AKAP7: variants seen among roughly 807,000 people sequenced by gnomAD.
AKAP7 encodes A kinase (PRKA) anchor protein 7.
A neutral mutation model predicts 39.5 loss-of-function variants in AKAP7; 39 were observed. The observed-to-expected ratio is 0.99, with a 90% CI of 0.76 to 1.29. The LOEUF (loss-of-function observed/expected upper bound fraction) is 1.29. Ranked by LOEUF, AKAP7 falls within the 50% of genes most tolerant of loss-of-function variation. The pLI is 0.00. For missense variants in AKAP7, 414 were observed against 407.7 expected (o/e 1.02, Z -0.13); for synonymous variants, 140 against 139.1 (o/e 1.01, Z -0.05).
chr6:131,281,466 C>G lies in AKAP7; in HGVS notation c.851-64C>G, dbSNP rs1815183623. The G allele has an allele frequency of 2.2e-6, 3 of 1,379,402 alleles. No individual in the cohort carries two copies. The Admixed American group carries it at 7.2e-5, about 33-fold the overall frequency. 85.4% of individuals were successfully genotyped at this position (1,379,402 alleles called of 1,614,324 possible). On this transcript the variant is annotated intron_variant, in intron 7 of 7. Transcript: ENST00000431975. This position sits in a 1 kb window ranked among gnomAD's most constrained non-coding sequence, Gnocchi z 4.0. ...TTTAACCAATGGAACTAGCCGGCCC[C>G]TGCATGCCAAGTTTCTATGGCAATG...
intron 7 of AKAP7, among the ~76,000 whole-genome samples, chr6:131,245,973 G>C (rs560794691): frequency 6.6e-6 from 1 of 151,916 alleles, no homozygotes; most frequent in Non-Finnish European, 1.5e-5. Flanking sequence ...CAGAAGATTG[G>C]GAATTTGTAC....
At chr6:131,258,046 C>T (rs767899375) in intron 7 of AKAP7, among the ~76,000 whole-genome samples, 31 of 152,036 alleles carry the variant, frequency 2.0e-4, no homozygotes, top group Non-Finnish European at 4.1e-4. Flanking sequence ...GTGTGTATTC[C>T]GAAACAAATA....
chr6:131,203,862 A>C (rs1041081184), intron 6 of AKAP7, among the ~76,000 whole-genome samples: 4 of 152,190 alleles, frequency 2.6e-5, no homozygotes, highest in African/African-American at 9.7e-5. Context: ...TGCTGTTATG[A>C]ACTTCCTTGT....
intron 7 of AKAP7, among the ~76,000 whole-genome samples, chr6:131,271,877 C>CCAA (rs1814313834): frequency 6.6e-6 from 1 of 152,130 alleles, no homozygotes; most frequent in Admixed American, 6.6e-5. Context: ...TATACCTCTA[C>CCAA]CAAAAAGTAG....
chr6:131,271,562 T>C lies in AKAP7; in HGVS notation c.851-9968T>C, dbSNP rs560961545. Among the ~76,000 whole-genome samples the C allele has an allele frequency of 3.1e-3, 467 of 152,282 alleles. 3 individuals carry two copies. Among genetic ancestry groups the C allele is most frequent in the African/African-American group, 0.01 (433 of 41,562 alleles). ...CCTTTACATTTTCATAAAATTTTATTTTTTTAAAGAGATGGAGTCTTGTGT... is the reference window on the plus strand; with the variant it reads ...CCTTTACATTTTCATAAAATTTTATCTTTTTAAAGAGATGGAGTCTTGTGT... On this transcript the variant is annotated intron_variant, in intron 7 of 7. Transcript: ENST00000431975.
intron 7 of AKAP7, among the ~76,000 whole-genome samples, chr6:131,227,699 C>T (rs183257959): frequency 1.3e-5 from 2 of 152,270 alleles, no homozygotes; most frequent in East Asian, 3.9e-4. Context: ...AAGTTAGTGC[C>T]ATATAGCTGT....
intron 6 of AKAP7, among the ~76,000 whole-genome samples, chr6:131,218,105 T>TA (rs1284686845): frequency 6.6e-6 from 1 of 152,178 alleles, no homozygotes; most frequent in Non-Finnish European, 1.5e-5. Flanking sequence ...TAAATGGACT[T>TA]ACTTAGTCCA....
In AKAP7 at chr6:131,219,587, A is replaced by G. The variant is rs563267360; in HGVS notation, c.703-74A>G. The G allele has an allele frequency of 5.1e-6, 7 of 1,375,062 alleles. No homozygotes were observed. The East Asian group carries it at 1.0e-4, about 20-fold the overall frequency. The allele number at this position is 1,375,062 out of a possible 1,614,324, so 85.2% of individuals were successfully genotyped here. On this transcript the variant is annotated intron_variant, in intron 6 of 7. Coordinates refer to ENST00000431975, the MANE Select transcript of AKAP7 (RefSeq NM_016377.4). ...TGTAGTAATGTAATAATCAGGTTCA[A>G]AGAAAGTGATGTAGTTATGAACTGG...
At chr6:131,222,812 T>G (rs891861837) in intron 7 of AKAP7, among the ~76,000 whole-genome samples, 2 of 152,202 alleles carry the variant, frequency 1.3e-5, no homozygotes, top group African/African-American at 4.8e-5. Flanking sequence ...TGAAGAAGTT[T>G]TACTGTGGGT....
In AKAP7 at chr6:131,139,097, A is replaced by G. The variant is rs1261360183; in HGVS notation, c.19+3315A>G. Among the ~76,000 whole-genome samples, 5 of 152,250 alleles carry G rather than the reference A, an allele frequency of 3.3e-5. No homozygotes were observed. The East Asian group carries it at 9.6e-4, about 29-fold the overall frequency. On this transcript the variant is annotated intron_variant, in intron 1 of 7. Transcript: ENST00000431975. ...CAAAAGCAAAATATTTATACCTTCT[A>G]TAAGAGAAAGTGTAGTTATGACTGG...
intron 7 of AKAP7, among the ~76,000 whole-genome samples, chr6:131,261,545 C>G (rs527781470): frequency 5.9e-5 from 9 of 152,150 alleles, no homozygotes; most frequent in African/African-American, 1.9e-4. Context: ...CTATTATATA[C>G]CCAGTACTGT....
chr6:131,170,248 GTAAC>G (rs1463891138), intron 5 of AKAP7, among the ~76,000 whole-genome samples: 2 of 149,572 alleles, frequency 1.3e-5, no homozygotes, highest in African/African-American at 2.5e-5. Flanking sequence ...GTATACATAT[GTAAC>G]TAACCTGCAC....
chr6:131,164,932 C>T, intron 3 of AKAP7, 149 bp from the exon 4 acceptor site: 1 of 607,542 alleles, frequency 1.6e-6, no homozygotes, highest in Admixed American at 3.4e-5. Flanking sequence ...AACAAGTAGA[C>T]AATTAAGCAT....
chr6:131,131,120 A>G (rs1043048510), upstream of AKAP7, among the ~76,000 whole-genome samples: 9 of 152,174 alleles, frequency 5.9e-5, no homozygotes, highest in East Asian at 1.9e-4. Flanking sequence ...AGTTTTTCAG[A>G]AAGAAATATT....
intron 6 of AKAP7, chr6:131,200,132 C>G (rs955028973): frequency 1.3e-5 from 2 of 154,064 alleles, no homozygotes; most frequent in African/African-American, 4.8e-5. Context: ...AAGTACTTCT[C>G]CCTAAGGATG....
intron 7 of AKAP7, among the ~76,000 whole-genome samples, chr6:131,221,943 T>A (rs1809734359): frequency 6.6e-6 from 1 of 152,224 alleles, no homozygotes; most frequent in Non-Finnish European, 1.5e-5. Context: ...AGCTCATGGA[T>A]CAAGGAGTAA....
At chr6:131,137,913 T>C (rs1008592309) in intron 1 of AKAP7, among the ~76,000 whole-genome samples, 1 of 152,252 alleles carries the variant, frequency 6.6e-6, no homozygotes, top group Non-Finnish European at 1.5e-5. Context: ...CACATAATTG[T>C]AAATCATAGA....
At chr6:131,242,054 T>C (rs1249109422) in intron 7 of AKAP7, 3 of 981,498 alleles carry the variant, frequency 3.1e-6, no homozygotes, top group African/African-American at 3.5e-5. Context: ...TCCTTTGATA[T>C]TGTATCTGAC....
At chr6:131,172,103 T>C (rs1349215562) in intron 5 of AKAP7, among the ~76,000 whole-genome samples, 1 of 152,172 alleles carries the variant, frequency 6.6e-6, no homozygotes, top group Non-Finnish European at 1.5e-5. Context: ...CTAGAAGTTT[T>C]AAAATCGAGA....
Sources: gnomAD v4.1 joint callset for allele counts (sites outside exome capture counted in the v4.1 genomes callset) on GRCh38, gnomAD v4.1.1 for gene constraint, Gnocchi (gnomAD v3.1) non-coding constraint, MANE v1.5 for transcripts, NCBI Gene and HGNC (gene_info 2026-07-23, HGNC 2026-07-21) for gene names.